The following DAB1 variants were observed in gnomAD, a reference collection of about 807,000 sequenced individuals.
DAB1 encodes DAB adaptor protein 1.
A neutral mutation model predicts 64.6 loss-of-function variants in DAB1; 15 were observed. The observed-to-expected ratio is 0.23, with a 90% CI of 0.16 to 0.36. DAB1 has a LOEUF of 0.36. Ranked by LOEUF, DAB1 falls within the 10% of genes least tolerant of loss-of-function variation. DAB1 has a pLI of 1.00. For missense variants in DAB1, 596 were observed against 706.7 expected, an observed-to-expected ratio of 0.84 and a Z score of 1.78; for synonymous variants, 235 against 251.9, an observed-to-expected ratio of 0.93 and a Z score of 0.64.
chr1:57,203,420 G>A (rs1003496228), intron 2 of DAB1, among the ~76,000 whole-genome samples: 1 of 152,186 alleles, frequency 6.6e-6, no homozygotes, highest in Non-Finnish European at 1.5e-5. Context: ...GCAGAGCAGG[G>A]ACCCAGTGCC....
chr1:57,237,125 C>A (rs929990865), intron 2 of DAB1, among the ~76,000 whole-genome samples: 1 of 152,078 alleles, frequency 6.6e-6, no homozygotes, highest in African/African-American at 2.4e-5. Flanking sequence ...TCTTTGAAGA[C>A]GAGAGAGATT....
At chr1:57,757,909 T>C (rs1222196101) in intron 6 of DAB1, among the ~76,000 whole-genome samples, 1 of 152,118 alleles carries the variant, frequency 6.6e-6, no homozygotes, top group Non-Finnish European at 1.5e-5. Context: ...ATTGAACTTC[T>C]AGGCTCAATC....
At chr1:57,279,669 T>C (rs1197157694) in intron 2 of DAB1, among the ~76,000 whole-genome samples, 1 of 152,250 alleles carries the variant, frequency 6.6e-6, no homozygotes, top group Non-Finnish European at 1.5e-5. Flanking sequence ...GTTGGTTGAA[T>C]ACACAGATGT....
intron 2 of DAB1, among the ~76,000 whole-genome samples, chr1:57,158,966 T>C (rs565529797): frequency 1.9e-4 from 29 of 152,294 alleles, no homozygotes; most frequent in African/African-American, 7.0e-4. Context: ...TGAAGTGCTA[T>C]GGTACCAGGC....
intron 2 of DAB1, among the ~76,000 whole-genome samples, chr1:57,166,659 A>G (rs1215553051): frequency 6.6e-6 from 1 of 152,202 alleles, no homozygotes; most frequent in Non-Finnish European, 1.5e-5. Context: ...AATAATACGC[A>G]CAATTTATCT....
intron 6 of DAB1, among the ~76,000 whole-genome samples, chr1:57,705,579 G>A (rs183202760): frequency 8.6e-5 from 13 of 151,942 alleles, no homozygotes; most frequent in South Asian, 8.3e-4. Flanking sequence ...CTTTTAATAA[G>A]AATATTTGAC....
chr1:58,039,593 T>C (rs1647102533), intron 5 of DAB1, among the ~76,000 whole-genome samples: 1 of 152,090 alleles, frequency 6.6e-6, no homozygotes, highest in Non-Finnish European at 1.5e-5. Flanking sequence ...CAGAGCCTTC[T>C]GTTCCATCCC....
chr1:58,265,110 G>C (rs1362724641), intron 4 of DAB1, among the ~76,000 whole-genome samples: 1 of 152,140 alleles, frequency 6.6e-6, no homozygotes, highest in Non-Finnish European at 1.5e-5. Context: ...AGTTAGAATT[G>C]AGTAGAGCTA....
chr1:57,258,736 T>C (rs576201795), intron 2 of DAB1, among the ~76,000 whole-genome samples: 2 of 152,244 alleles, frequency 1.3e-5, no homozygotes, highest in Admixed American at 1.3e-4. Flanking sequence ...GCTCTCCACT[T>C]CTAAAATCAT....
chr1:57,604,166 A>G (rs1645607639), intron 7 of DAB1, among the ~76,000 whole-genome samples: 1 of 152,230 alleles, frequency 6.6e-6, no homozygotes, highest in Non-Finnish European at 1.5e-5. Context: ...GCCAGTGAGA[A>G]GGCTTGAAGT....
intron 3 of DAB1, among the ~76,000 whole-genome samples, chr1:58,392,352 T>C (rs980418627): frequency 6.6e-6 from 1 of 152,200 alleles, no homozygotes; most frequent in Non-Finnish European, 1.5e-5. Flanking sequence ...TTTTGGTCTA[T>C]CCTAACTCTC....
chr1:57,169,314 G>A (rs974910510), intron 2 of DAB1, among the ~76,000 whole-genome samples: 7 of 152,068 alleles, frequency 4.6e-5, no homozygotes, highest in African/African-American at 2.4e-5. Context: ...ACACTTGCAA[G>A]GGCCAGGATT....
chr1:57,863,596 C>T (rs940356973), intron 1 of DAB1, among the ~76,000 whole-genome samples: 1 of 151,982 alleles, frequency 6.6e-6, no homozygotes, highest in African/African-American at 2.4e-5. Flanking sequence ...GTAATGAATG[C>T]CACAAGGAAT....
At chr1:57,726,597 T>C (rs1451684203) in intron 6 of DAB1, among the ~76,000 whole-genome samples, 1 of 152,220 alleles carries the variant, frequency 6.6e-6, no homozygotes, top group African/African-American at 2.4e-5. Context: ...TATTAAGTGT[T>C]GAAGTCAGGT....
intron 6 of DAB1, among the ~76,000 whole-genome samples, chr1:57,668,580 C>T (rs1020398169): frequency 6.6e-6 from 1 of 151,962 alleles, no homozygotes; most frequent in Non-Finnish European, 1.5e-5. Flanking sequence ...ATATGGTGGC[C>T]AAAGCATTCC....
chr1:57,644,670 A>G lies in DAB1; in HGVS notation n.625+4922T>C, dbSNP rs1224851440. Among the ~76,000 whole-genome samples the G allele has an allele frequency of 7.3e-5, 11 of 150,956 alleles. No individual in the cohort carries two copies. In the South Asian group the frequency reaches 1.9e-3, roughly 26 times the overall value. Reference sequence around the variant, plus strand: ...ACTAATGAAAAAATGAATACATTATATAATATATATATATTTTATAACTAT... The same window carrying G: ...ACTAATGAAAAAATGAATACATTATGTAATATATATATATTTTATAACTAT... On this transcript the variant is annotated intron_variant and non_coding_transcript_variant, in intron 7 of 20. Coordinates refer to the DAB1 transcript ENST00000485760.
chr1:58,281,954 ATTG>A (rs1402726234), intron 4 of DAB1, among the ~76,000 whole-genome samples: 17 of 151,884 alleles, frequency 1.1e-4, no homozygotes, highest in Non-Finnish European at 7.4e-5. Context: ...CGTCATCATC[ATTG>A]TTATCATCAT....
chr1:57,316,510 A>G (rs1230475178), intron 1 of DAB1, among the ~76,000 whole-genome samples: 2 of 152,164 alleles, frequency 1.3e-5, no homozygotes, highest in African/African-American at 4.8e-5. Flanking sequence ...TCTCCTTGGC[A>G]GGTTCCTCAG....
rs190793812 is a variant in DAB1, at chr1:58,268,964, T to C, written n.309+74388A>G. ...AAGCCCAGAAATAAACCTTCACATATACATTCAAATGATTTTTTTTTCCTT... is the reference window on the plus strand; with the variant it reads ...AAGCCCAGAAATAAACCTTCACATACACATTCAAATGATTTTTTTTTCCTT... On this transcript the variant is annotated intron_variant and non_coding_transcript_variant, in intron 4 of 20. Transcript: ENST00000485760. Among the ~76,000 whole-genome samples, 18 of 152,162 alleles carry C rather than the reference T, an allele frequency of 1.2e-4. 1 individual carries two copies. The highest frequency in any genetic ancestry group is 6.8e-3 in the Middle Eastern group (2 of 294).
Sources: gnomAD v4.1 joint callset for allele counts (sites outside exome capture counted in the v4.1 genomes callset) on GRCh38, gnomAD v4.1.1 for gene constraint, MANE v1.5 for transcripts, NCBI Gene and HGNC (gene_info 2026-07-23, HGNC 2026-07-21) for gene names.